NSF: variants seen among roughly 807,000 people sequenced by gnomAD.
NSF encodes the protein N-ethylmaleimide sensitive factor, vesicle fusing ATPase.
A neutral mutation model predicts 50.3 loss-of-function variants in NSF; 14 were observed. The ratio of observed to expected loss-of-function variants is 0.28; its 90% confidence interval spans 0.18 to 0.44. The LOEUF is 0.44. NSF is among the 20% of genes least tolerant of loss of function. NSF has a pLI of 1.00. For synonymous variants in NSF, 109 were observed against 175.7 expected, an observed-to-expected ratio of 0.62 and a Z score of 3.00; for missense variants, 218 against 504.3, an observed-to-expected ratio of 0.43 and a Z score of 5.44.
In NSF at chr17:46,605,390, G is replaced by C. The variant is rs1449106911; in HGVS notation, c.12+14603G>C. Among the ~76,000 whole-genome samples, 3 of 136,322 alleles carry C rather than the reference G, an allele frequency of 2.2e-5. No individual in the cohort carries two copies. The East Asian group carries it at 6.2e-4, about 28-fold the overall frequency. The allele number at this position is 136,322 out of a possible 152,430, so 89.4% of individuals were successfully genotyped here. A position where few individuals can be genotyped will look rare whatever the true frequency, so the allele number is the denominator to read the frequency against. On this transcript the variant is annotated intron_variant, in intron 1 of 20. Coordinates refer to ENST00000398238, the MANE Select transcript of NSF (RefSeq NM_006178.4). ...TTGAACCTGGGAGGTGGAGGTTGCAGTGAGCCGAGATCGTGCCATTGCATG... is the reference window on the plus strand; with the variant it reads ...TTGAACCTGGGAGGTGGAGGTTGCACTGAGCCGAGATCGTGCCATTGCATG...
chr17:46,622,413 G>A lies in NSF; in HGVS notation c.13-1831G>A, dbSNP rs1299676472. Among the ~76,000 whole-genome samples the A allele has an allele frequency of 8.7e-5, 13 of 150,238 alleles. No homozygotes were observed. In the East Asian group the frequency reaches 2.4e-3, roughly 27 times the overall value. ...GCGGAGCTTGCAGTAAGCCGATATC[G>A]CACCAGGGCAGTCCAGCCTGGGTGA... On this transcript the variant is annotated intron_variant, in intron 1 of 20. Transcript: ENST00000398238.
rs1269524656 is a variant in NSF, at chr17:46,625,278, CT to C, written c.98+950del. The stretch of plus-strand genomic sequence containing the variant: ...CGCACTGCCAGGACTTCTAAAGACC[CT>C]GCTGCAAGTTCAGTGCCATCCATAT... On this transcript the variant is annotated intron_variant, in intron 2 of 20. Transcript: ENST00000398238. Among the ~76,000 whole-genome samples, 11 of 123,260 alleles carry C rather than the reference CT, an allele frequency of 8.9e-5. 3 individuals are homozygous for C. In the Admixed American group the frequency reaches 1.0e-3, roughly 12 times the overall value. The allele number at this position is 123,260 out of a possible 152,430, so 80.9% of individuals were successfully genotyped here. A position where few individuals can be genotyped will look rare whatever the true frequency, so the allele number is the denominator to read the frequency against.
At chr17:46,679,830 A>G (rs977496575) in intron 9 of NSF, among the ~76,000 whole-genome samples, 9 of 151,918 alleles carry the variant, frequency 5.9e-5, no homozygotes, top group Non-Finnish European at 1.0e-4. Context: ...AATACTTTAG[A>G]AGGCAAGAAA....
intron 1 of NSF, among the ~76,000 whole-genome samples, chr17:46,615,435 T>A (rs1402813298): frequency 2.0e-4 from 1 of 4,900 alleles, no homozygotes; most frequent in Non-Finnish European, 3.5e-4. Context: ...CATACTTTTT[T>A]AAAAATAATG....
At chr17:46,723,991 C>T (rs1021094715) in intron 15 of NSF, among the ~76,000 whole-genome samples, 1 of 152,160 alleles carries the variant, frequency 6.6e-6, no homozygotes, top group South Asian at 2.1e-4. Context: ...GTTCCTTCAT[C>T]ACCTCTTCTA....
chr17:46,714,041 T>G (rs907051811), intron 15 of NSF, 55 bp downstream of exon 15: 6 of 1,515,250 alleles, frequency 4.0e-6, no homozygotes, highest in Non-Finnish European at 4.5e-6. Context: ...TGTGTGTGTG[T>G]GCACATATAT....
intron 19 of NSF, 40 bp downstream of exon 19, chr17:46,751,656 A>G (rs2059182935): frequency 1.5e-6 from 2 of 1,335,700 alleles, no homozygotes; most frequent in African/African-American, 2.9e-5. Flanking sequence ...GACAGAACAA[A>G]GCTTCAGGAC....
At chr17:46,726,650 C>T (rs772210956) in intron 16 of NSF, 35 bp downstream of exon 16, 14 of 1,555,202 alleles carry the variant, frequency 9.0e-6, no homozygotes, top group Non-Finnish European at 1.2e-5. Flanking sequence ...ATTATCTTTG[C>T]CACATTACAG....
intron 15 of NSF, chr17:46,722,266 G>T: frequency 9.9e-7 from 1 of 1,014,756 alleles, no homozygotes; most frequent in Non-Finnish European, 1.5e-6. Context: ...TAATTTTGGG[G>T]GGAGTCTGTA....
At chr17:46,749,680 A>G (rs1470715129) in intron 17 of NSF, 93 bp from the exon 18 acceptor site, 4 of 1,214,314 alleles carry the variant, frequency 3.3e-6, no homozygotes, top group East Asian at 2.5e-5. Flanking sequence ...GCAAGATTAA[A>G]TAAAAGTCTT....
intron 15 of NSF, among the ~76,000 whole-genome samples, chr17:46,720,402 G>C (rs545882337): frequency 6.6e-6 from 1 of 152,158 alleles, no homozygotes; most frequent in South Asian, 2.1e-4. Context: ...CCTTCTCTGT[G>C]GCTCACGATA....
At chr17:46,615,656 G>A (rs1258349995) in intron 1 of NSF, among the ~76,000 whole-genome samples, 2 of 32,158 alleles carry the variant, frequency 6.2e-5, no homozygotes, top group African/African-American at 3.7e-4. Flanking sequence ...AGCAAAGGTT[G>A]CAGTGTGCTG....
intron 15 of NSF, among the ~76,000 whole-genome samples, chr17:46,718,260 C>T (rs1034336130): frequency 6.6e-6 from 1 of 152,126 alleles, no homozygotes; most frequent in Admixed American, 6.5e-5. Context: ...TGTCATGCCA[C>T]AGACTGGCCC....
At position 46,755,365 on chromosome 17, in the gene NSF, G is replaced by A. The variant is rs1415028558; in HGVS notation, c.2209G>A (p.Gly737Arg). ...RKFLALLREE[G>R]ASPLDFD ...ATTCTTGGCCCTCTTAAGAGAAGAA[G>A]GAGCGTAAGTACATACAACATTTAA... is the stretch of plus-strand genomic sequence containing the variant. Residue 737 changes from glycine (G) to arginine (R), a missense_variant, in exon 20 of 21, where the codon GGA becomes AGA. Physicochemically the swap from Gly to Arg is moderately radical, Grantham distance 125 (BLOSUM62 -2). Coordinates refer to ENST00000398238, the MANE Select transcript of NSF (RefSeq NM_006178.4). The A allele has an allele frequency of 4.3e-6, 7 of 1,612,694 alleles. No homozygotes were observed. The highest frequency in any genetic ancestry group is 1.6e-4 in the Middle Eastern group (1 of 6,062).
In NSF at chr17:46,711,077, A is replaced by G. The variant is rs1172296221; in HGVS notation, c.1585A>G (p.Lys529Glu). 1.9e-6 allele frequency: 3 copies of G among 1,579,406 alleles called. No individual in the cohort carries two copies. The highest frequency in any genetic ancestry group is 8.6e-7 in the Non-Finnish European group (1 of 1,167,656). The change falls in exon 14 of 21, where the codon AAG becomes GAG. Residue 529 changes from lysine (K) to glutamate (E), a missense_variant. By Grantham distance (56) the Lys-to-Glu change is moderately conservative (BLOSUM62 1). Transcript: ENST00000398238. ...TGGGGAGCTGCTGGTGCAGCAGACT[A>G]AGAACAGTGACCGCACACCATTGGT... is the stretch of plus-strand genomic sequence containing the variant. ...DDGELLVQQT[K>E]NSDRTPLVSV...
rs762419013 is a variant in NSF at position 46,635,855 on chromosome 17, ACT to A, written c.239-1518_239-1517del. Among the ~76,000 whole-genome samples, 13 of 129,688 alleles carry A rather than the reference ACT, an allele frequency of 1.0e-4. No homozygotes were observed. The East Asian group carries it at 1.2e-3, about 12-fold the overall frequency. 85.1% of individuals were successfully genotyped at this position (129,688 alleles called of 152,430 possible). A position where few individuals can be genotyped will look rare whatever the true frequency, so the allele number is the denominator to read the frequency against. ...AAGCCTTATTGAAGAGTAGCAATAG[ACT>A]CTTTCTTACTAGGCGTAATCAAGTT... is the stretch of plus-strand genomic sequence containing the variant. On this transcript the variant is annotated intron_variant, in intron 4 of 20. Transcript: ENST00000398238.
In NSF at chr17:46,756,911, A is replaced by T. The variant is rs1391263972; in HGVS notation, c.*1088A>T. 1.3e-5 allele frequency: 2 copies of T among 152,562 alleles called. No homozygotes were observed. The highest frequency in any genetic ancestry group is 1.3e-4 in the Admixed American group (2 of 15,284). 9.5% of individuals were successfully genotyped at this position (152,562 alleles called of 1,614,324 possible). On this transcript the variant is annotated 3_prime_UTR_variant, in exon 21 of 21. Coordinates refer to ENST00000398238, the MANE Select transcript of NSF (RefSeq NM_006178.4). Reference sequence around the variant, plus strand: ...AGGAAGCACCCGTTGAGTCCTTTTGAGGGTGATTTGTCTTACAACTGACTG... The same window carrying T: ...AGGAAGCACCCGTTGAGTCCTTTTGTGGGTGATTTGTCTTACAACTGACTG...
At chr17:46,712,892 G>T (rs1350322075) in intron 14 of NSF, among the ~76,000 whole-genome samples, 2 of 152,194 alleles carry the variant, frequency 1.3e-5, no homozygotes, top group East Asian at 3.8e-4. Flanking sequence ...GGGGAATTAT[G>T]AATTGTATCA....
At chr17:46,755,579 A>G (rs758389208) in intron 20 of NSF, 12 of 683,182 alleles carry the variant, frequency 1.8e-5, no homozygotes, top group Non-Finnish European at 2.7e-5. Flanking sequence ...CCTTGTCACA[A>G]TGCAGGAAAA....
Sources: gnomAD v4.1 joint callset for allele counts (sites outside exome capture counted in the v4.1 genomes callset) on GRCh38, gnomAD v4.1.1 for gene constraint, MANE v1.5 for transcripts, NCBI Gene and HGNC (gene_info 2026-07-23, HGNC 2026-07-21) for gene names.